NAV3: variants seen among roughly 807,000 people sequenced by gnomAD.
The protein encoded by NAV3 is neuron navigator 3, also known as pore membrane and/or filament interacting like protein 1.
NAV3 carries 87 observed loss-of-function variants against 244.7 expected under a neutral mutation model. The observed-to-expected ratio is 0.36, with a 90% CI of 0.30 to 0.42. The LOEUF (loss-of-function observed/expected upper bound fraction) is 0.42. Ranked by LOEUF, NAV3 falls within the 20% of genes least tolerant of loss-of-function variation. The pLI, the probability that NAV3 is intolerant of heterozygous loss-of-function variation, is 1.00. For missense variants in NAV3, 2,663 were observed against 2,893.3 expected, an observed-to-expected ratio of 0.92 and a Z score of 1.83; for synonymous variants, 1,126 against 1,042.2, an observed-to-expected ratio of 1.08 and a Z score of -1.55.
At chr12:77,895,936 T>C (rs1185041365) in intron 1 of NAV3, among the ~76,000 whole-genome samples, 3 of 137,900 alleles carry the variant, frequency 2.2e-5, no homozygotes, top group Admixed American at 7.4e-5. Flanking sequence ...TTAGACTGCC[T>C]TTTGATCTCA....
At chr12:78,075,298 G>A (rs766442349) in intron 12 of NAV3, among the ~76,000 whole-genome samples, 1 of 152,012 alleles carries the variant, frequency 6.6e-6, no homozygotes, top group Non-Finnish European at 1.5e-5. Flanking sequence ...TGGTTGTGTG[G>A]GTCTGGAAAG....
intron 12 of NAV3, among the ~76,000 whole-genome samples, chr12:78,075,484 A>T (rs1953000206): frequency 6.6e-6 from 1 of 152,182 alleles, no homozygotes. Flanking sequence ...GATGTGGCTG[A>T]ATAGAACAGT....
At chr12:78,057,586 T>G (rs1883697867) in intron 11 of NAV3, among the ~76,000 whole-genome samples, 1 of 152,232 alleles carries the variant, frequency 6.6e-6, no homozygotes, top group African/African-American at 2.4e-5. Flanking sequence ...TAGCTAGTAT[T>G]TTTAAAGATA....
At chr12:77,767,031 C>T (rs1452728430) in intron 2 of NAV3, among the ~76,000 whole-genome samples, 3 of 152,032 alleles carry the variant, frequency 2.0e-5, no homozygotes, top group Non-Finnish European at 4.4e-5. Flanking sequence ...AGATTACAGG[C>T]ATGAGCCACT....
chr12:77,663,584 C>T lies in NAV3; in HGVS notation c.72+91318C>T, dbSNP rs566868989. 1.9e-4 allele frequency among the ~76,000 whole-genome samples: 29 copies of T among 150,304 alleles called. No individual in the cohort carries two copies. In the South Asian group the frequency reaches 2.9e-3, roughly 15 times the overall value. On this transcript the variant is annotated intron_variant, in intron 2 of 8. Coordinates refer to the NAV3 transcript ENST00000550042. ...TTGCCCAGGCTGGAGCGCAATGGCG[C>T]GATCTCGGCTCACTGCAGCCTTGGC...
intron 1 of NAV3, 46 bp from the exon 2 acceptor site, chr12:77,940,273 G>T (rs1731740): frequency 7.2e-6 from 10 of 1,392,926 alleles, no homozygotes; most frequent in Non-Finnish European, 1.0e-5. Flanking sequence ...TATTGTCTCT[G>T]TTTTCCCTCA....
chr12:77,893,476 A>G (rs1365124607), intron 1 of NAV3, among the ~76,000 whole-genome samples: 1 of 152,182 alleles, frequency 6.6e-6, no homozygotes, highest in African/African-American at 2.4e-5. Context: ...GTTGAAATGC[A>G]TAGAATATTT....
chr12:77,706,245 A>T (rs1003696919), intron 2 of NAV3, among the ~76,000 whole-genome samples: 3 of 151,536 alleles, frequency 2.0e-5, no homozygotes, highest in African/African-American at 7.3e-5. Context: ...CTAAATTAAC[A>T]TTAATAGATC....
At chr12:77,934,713 A>C (rs11107465) in intron 1 of NAV3, among the ~76,000 whole-genome samples, 14,871 of 152,248 alleles carry the variant, frequency 0.098, 993 homozygotes, top group East Asian at 0.21. Context: ...CTTCAACACA[A>C]TTCCTGTTAT....
At chr12:77,656,054 G>A (rs1382799895) in intron 2 of NAV3, among the ~76,000 whole-genome samples, 2 of 150,854 alleles carry the variant, frequency 1.3e-5, no homozygotes, top group South Asian at 2.1e-4. Context: ...ATCAACTAAC[G>A]AGCAGAATAA....
At chr12:77,791,650 G>A (rs908667051) in intron 2 of NAV3, among the ~76,000 whole-genome samples, 2 of 152,178 alleles carry the variant, frequency 1.3e-5, no homozygotes, top group African/African-American at 4.8e-5. Flanking sequence ...CTTCAGGCAT[G>A]TGGCAGGGCC....
chr12:77,657,356 G>T, intron 2 of NAV3, among the ~76,000 whole-genome samples: 1 of 152,168 alleles, frequency 6.6e-6, no homozygotes, highest in East Asian at 1.9e-4. Context: ...AGAAAATCTA[G>T]AAGAAATGGA....
chr12:77,947,200 T>G (rs576318248), intron 3 of NAV3, among the ~76,000 whole-genome samples: 2 of 152,050 alleles, frequency 1.3e-5, no homozygotes, highest in African/African-American at 2.4e-5. Context: ...CCGATAGGGT[T>G]ATGGCTCCCA....
At chr12:77,765,867 CA>C (rs1433697075) in intron 2 of NAV3, among the ~76,000 whole-genome samples, 5 of 151,754 alleles carry the variant, frequency 3.3e-5, no homozygotes, top group Non-Finnish European at 5.9e-5. Context: ...AATTATAACA[CA>C]AAAACAAGAA....
intron 18 of NAV3, among the ~76,000 whole-genome samples, chr12:78,136,214 C>T (rs1329086601): frequency 6.6e-6 from 1 of 152,180 alleles, no homozygotes; most frequent in African/African-American, 2.4e-5. Flanking sequence ...TGAAAATACT[C>T]GTTAGTTCCC....
Position 78,007,348 on chromosome 12 carries a change from A to C in NAV3, c.1810A>C (p.Ser604Arg). 6.2e-7 allele frequency: 1 copy of C among 1,614,204 alleles called. No homozygotes were observed. The highest frequency in any genetic ancestry group is 1.1e-5 in the South Asian group (1 of 91,078). Reference sequence around the variant, plus strand: ...TTCCTGTACCATGACAGTGGCACAAAGCAGTGGGCAGAGCACAGGAAATGG... The same window carrying C: ...TTCCTGTACCATGACAGTGGCACAACGCAGTGGGCAGAGCACAGGAAATGG... ...SGSCTMTVAQ[S>R]SGQSTGNGAV... is the part of the protein sequence containing the mutation. Residue 604 changes from serine (S) to arginine (R), a missense_variant, in exon 8 of 40, where the codon AGC becomes CGC. Around this residue, in one of 6 missense-constraint regions of NAV3, gnomAD observed 1,521 missense variants for 1,497.0 expected, o/e 1.02. Transcript: ENST00000397909.
intron 2 of NAV3, among the ~76,000 whole-genome samples, chr12:77,741,691 A>G (rs532211471): frequency 1.3e-5 from 2 of 152,278 alleles, no homozygotes; most frequent in Admixed American, 6.5e-5. Context: ...GGGTGGCGCA[A>G]TATAAACAAT....
At chr12:78,174,086 A>AT (rs1193294705) in intron 24 of NAV3, among the ~76,000 whole-genome samples, 2 of 151,720 alleles carry the variant, frequency 1.3e-5, no homozygotes, top group African/African-American at 2.4e-5. Context: ...TTCCACTGAG[A>AT]TTTTTTTGCT....
At chr12:77,587,770 A>C (rs1325899493) in intron 2 of NAV3, among the ~76,000 whole-genome samples, 1 of 152,206 alleles carries the variant, frequency 6.6e-6, no homozygotes, top group East Asian at 1.9e-4. Context: ...AGGAATGTTA[A>C]GATTTGGTAG....
Sources: gnomAD v4.1 joint callset for allele counts (sites outside exome capture counted in the v4.1 genomes callset) on GRCh38, gnomAD v4.1.1 for gene constraint, gnomAD v4.1.1 regional missense constraint, MANE v1.5 for transcripts, NCBI Gene and HGNC (gene_info 2026-07-23, HGNC 2026-07-21) for gene names.